ARHGAP24: variants seen among roughly 807,000 people sequenced by gnomAD.
ARHGAP24 encodes rho GTPase-activating protein 24.
In ARHGAP24, 50 loss-of-function variants were observed where a neutral mutation model predicts 76.4. The ratio of observed to expected loss-of-function variants is 0.65; its 90% confidence interval spans 0.52 to 0.83. The LOEUF (loss-of-function observed/expected upper bound fraction) is 0.83, where lower values mean the gene tolerates loss of function less well. ARHGAP24 is among the 40% of genes least tolerant of loss of function. The pLI is 0.00. For missense variants in ARHGAP24, 930 were observed against 914.2 expected (o/e 1.02, Z -0.22); for synonymous variants, 345 against 323.3 (o/e 1.07, Z -0.72).
intron 3 of ARHGAP24, among the ~76,000 whole-genome samples, chr4:85,871,330 T>G (rs1732512580): frequency 6.6e-6 from 1 of 152,190 alleles, no homozygotes; most frequent in Non-Finnish European, 1.5e-5. Flanking sequence ...TTATGAAAGC[T>G]GGCAAATACA....
At chr4:85,610,273 C>T (rs532504625) in intron 2 of ARHGAP24, among the ~76,000 whole-genome samples, 1 of 151,652 alleles carries the variant, frequency 6.6e-6, no homozygotes, top group African/African-American at 2.4e-5. Flanking sequence ...GAAACCTTGT[C>T]TCTACTAAAA....
intron 2 of ARHGAP24, among the ~76,000 whole-genome samples, chr4:85,583,595 A>G (rs1223596377): frequency 6.6e-6 from 1 of 152,042 alleles, no homozygotes; most frequent in East Asian, 1.9e-4. Flanking sequence ...GACAAATGGG[A>G]TCTAATTAAA....
chr4:85,519,047 G>GA (rs1002898896), intron 1 of ARHGAP24, among the ~76,000 whole-genome samples: 13 of 151,778 alleles, frequency 8.6e-5, no homozygotes, highest in African/African-American at 3.1e-4. Context: ...ACAAACATAT[G>GA]AAAAAAACGC....
intron 1 of ARHGAP24, among the ~76,000 whole-genome samples, chr4:85,542,446 A>T (rs1725740707): frequency 6.6e-6 from 1 of 152,142 alleles, no homozygotes; most frequent in Non-Finnish European, 1.5e-5. Flanking sequence ...TTCTCCTCTC[A>T]GTCCCCTTGC....
chr4:85,732,705 T>C (rs1312367966), intron 3 of ARHGAP24, among the ~76,000 whole-genome samples: 2 of 151,026 alleles, frequency 1.3e-5, no homozygotes, highest in African/African-American at 4.9e-5. Flanking sequence ...TTTTTTTTTT[T>C]TTTTTGAGAC....
intron 2 of ARHGAP24, among the ~76,000 whole-genome samples, chr4:85,670,542 C>T (rs923275170): frequency 3.9e-5 from 6 of 152,170 alleles, no homozygotes; most frequent in Admixed American, 3.9e-4. Flanking sequence ...TGTCCTCTGT[C>T]TTCTCTTTGT....
intron 2 of ARHGAP24, among the ~76,000 whole-genome samples, chr4:85,590,433 C>T (rs963486554): frequency 2.5e-4 from 37 of 149,336 alleles, no homozygotes; most frequent in Middle Eastern, 3.5e-3. Flanking sequence ...GATCTCGGCT[C>T]ATTGCAACCT....
At chr4:85,506,916 C>T (rs1724079937) in intron 1 of ARHGAP24, among the ~76,000 whole-genome samples, 1 of 151,652 alleles carries the variant, frequency 6.6e-6, no homozygotes, top group Non-Finnish European at 1.5e-5. Flanking sequence ...CCATGTGGAA[C>T]TTAGAAATGT....
chr4:85,879,235 G>C (rs1733104146), intron 3 of ARHGAP24, among the ~76,000 whole-genome samples: 1 of 152,090 alleles, frequency 6.6e-6, no homozygotes, highest in Non-Finnish European at 1.5e-5. Context: ...GAACATATCA[G>C]TTATATTACA....
chr4:85,518,768 G>T (rs1387808240), intron 1 of ARHGAP24, among the ~76,000 whole-genome samples: 1 of 152,076 alleles, frequency 6.6e-6, no homozygotes, highest in East Asian at 1.9e-4. Context: ...CTCATTGATT[G>T]ATGGGCATTT....
At chr4:85,873,114 A>C (rs1732636765) in intron 3 of ARHGAP24, among the ~76,000 whole-genome samples, 1 of 152,132 alleles carries the variant, frequency 6.6e-6, no homozygotes, top group Admixed American at 6.5e-5. Flanking sequence ...CCTACTCCTT[A>C]CTGGCAGCAT....
intron 3 of ARHGAP24, among the ~76,000 whole-genome samples, chr4:85,875,710 T>TTA (rs1732889043): frequency 7.4e-6 from 1 of 135,348 alleles, no homozygotes; most frequent in Non-Finnish European, 1.5e-5. Context: ...TATATATAAT[T>TTA]TATATATAAA....
chr4:85,558,117 A>G (rs1726459844), intron 1 of ARHGAP24, among the ~76,000 whole-genome samples: 1 of 152,046 alleles, frequency 6.6e-6, no homozygotes, highest in African/African-American at 2.4e-5. Context: ...TCTGAGTCAC[A>G]TGTCCATTTC....
rs373732150 is a variant in ARHGAP24 at position 85,759,232 on chromosome 4, G to C, written c.268+37260G>C. Among the ~76,000 whole-genome samples the C allele has an allele frequency of 2.7e-4, 41 of 152,164 alleles. No individual in the cohort carries two copies. The East Asian group carries it at 6.8e-3, about 25-fold the overall frequency. ...GTGAAATCATACAATAATAACTTTA[G>C]GAGAAAGAATTTAATAATGACTGTA... On this transcript the variant is annotated intron_variant, in intron 3 of 9. Coordinates refer to ENST00000395184, the MANE Select transcript of ARHGAP24 (RefSeq NM_001025616.3).
At chr4:85,683,107 T>TTGG (rs1553922556) in intron 2 of ARHGAP24, among the ~76,000 whole-genome samples, 1 of 12,846 alleles carries the variant, frequency 7.8e-5, no homozygotes, top group Non-Finnish European at 1.7e-4. Flanking sequence ...TCTCTCAGTG[T>TTGG]GTGGGGGGGT....
At chr4:85,494,756 A>G (rs1317659428) in intron 1 of ARHGAP24, among the ~76,000 whole-genome samples, 1 of 152,122 alleles carries the variant, frequency 6.6e-6, no homozygotes, top group Non-Finnish European at 1.5e-5. Flanking sequence ...CCTTCTTTCA[A>G]GTTTCTGTAA....
chr4:85,492,384 A>G (rs1723394962), intron 1 of ARHGAP24, among the ~76,000 whole-genome samples: 3 of 152,156 alleles, frequency 2.0e-5, no homozygotes, highest in African/African-American at 2.4e-5. Flanking sequence ...ACTGTTGTAT[A>G]ATTATTATTA....
Position 85,608,375 on chromosome 4 carries a change from T to C in ARHGAP24, c.180+37654T>C, listed in dbSNP as rs79678235. The stretch of plus-strand genomic sequence containing the variant: ...TGTTAGGGCAACCAGCCAAACAGTT[T>C]CCATGCTGACCACTACTTCTTTGTG... On this transcript the variant is annotated intron_variant, in intron 2 of 9. Coordinates refer to ENST00000395184, the MANE Select transcript of ARHGAP24 (RefSeq NM_001025616.3). Among the ~76,000 whole-genome samples the C allele has an allele frequency of 2.7e-4, 41 of 152,258 alleles. No individual in the cohort carries two copies. The East Asian group carries it at 6.8e-3, about 25-fold the overall frequency.
At chr4:85,979,570 G>C (rs948767278) in intron 8 of ARHGAP24, among the ~76,000 whole-genome samples, 3 of 152,060 alleles carry the variant, frequency 2.0e-5, no homozygotes, top group Non-Finnish European at 4.4e-5. Flanking sequence ...TCATATACCT[G>C]TTATACTTGT....
Sources: allele counts gnomAD v4.1 joint callset (sites outside exome capture counted in the v4.1 genomes callset), GRCh38; gene constraint gnomAD v4.1.1; transcripts MANE v1.5; gene names NCBI Gene and HGNC (gene_info 2026-07-23, HGNC 2026-07-21).